The following PDE10A variants were observed in gnomAD, a reference collection of about 807,000 sequenced individuals.
The protein encoded by PDE10A is phosphodiesterase 10A.
Under a neutral mutation model 97.7 loss-of-function variants are expected in PDE10A, and 39 were observed. The observed-to-expected ratio is 0.40, with a 90% CI of 0.31 to 0.52. The LOEUF (loss-of-function observed/expected upper bound fraction) is 0.52, where lower values mean the gene tolerates loss of function less well. PDE10A is among the 20% of genes least tolerant of loss of function. The pLI is 0.56. For synonymous variants in PDE10A, 371 were observed against 376.8 expected, an observed-to-expected ratio of 0.98 and a Z score of 0.18; for missense variants, 731 against 1,047.8, an observed-to-expected ratio of 0.70 and a Z score of 4.17.
intron 18 of PDE10A, among the ~76,000 whole-genome samples, chr6:165,371,410 C>A (rs1351573167): frequency 4.6e-5 from 7 of 152,092 alleles, no homozygotes; most frequent in African/African-American, 1.7e-4. Flanking sequence ...CCACCAATCC[C>A]ACAGAAATAC....
chr6:165,491,506 T>C lies in PDE10A; in HGVS notation c.995-9163A>G, dbSNP rs188879981. Among the ~76,000 whole-genome samples, 6 of 151,998 alleles carry C rather than the reference T, an allele frequency of 3.9e-5. No homozygotes were observed. The East Asian group carries it at 7.8e-4, about 20-fold the overall frequency. Reference sequence around the variant, plus strand: ...ACCATCAGATAGGCCACCAAACAAATCTCAACAAATTTAAGAAAATCAAAA... The same window carrying C: ...ACCATCAGATAGGCCACCAAACAAACCTCAACAAATTTAAGAAAATCAAAA... On this transcript the variant is annotated intron_variant, in intron 2 of 21. Coordinates refer to ENST00000539869, the MANE Select transcript of PDE10A (RefSeq NM_001385079.1).
chr6:165,735,183 G>GT (rs976591206), intron 1 of PDE10A, among the ~76,000 whole-genome samples: 3 of 151,830 alleles, frequency 2.0e-5, no homozygotes, highest in African/African-American at 7.3e-5. Context: ...TGATAGATCA[G>GT]TTGCTAGGTA....
intron 1 of PDE10A, among the ~76,000 whole-genome samples, chr6:165,749,410 T>TGAC (rs1471908295): frequency 7.6e-5 from 1 of 13,230 alleles, no homozygotes; most frequent in African/African-American, 3.5e-4. Context: ...ATCAACACCA[T>TGAC]CACCATCATC....
At chr6:165,630,777 T>C (rs878952701) in intron 1 of PDE10A, among the ~76,000 whole-genome samples, 4 of 152,084 alleles carry the variant, frequency 2.6e-5, no homozygotes, top group Admixed American at 1.3e-4. Flanking sequence ...AAAAAAAACA[T>C]GATGATGGCA....
chr6:165,549,275 T>C (rs530042043), intron 1 of PDE10A, among the ~76,000 whole-genome samples: 1 of 152,346 alleles, frequency 6.6e-6, no homozygotes, highest in East Asian at 1.9e-4. Context: ...GGTTTCTTTA[T>C]CCTTTAAGAT....
intron 3 of PDE10A, among the ~76,000 whole-genome samples, chr6:165,468,182 G>A (rs902957611): frequency 1.3e-5 from 2 of 152,090 alleles, no homozygotes. Flanking sequence ...AGGTTCAAGC[G>A]ATTCTCCTGC....
Position 165,482,346 on chromosome 6 carries a change from G to A in PDE10A, c.995-3C>T, listed in dbSNP as rs750595179. ...GACTTCCTTAGGAGCTGATTCATCT[G>A]GGGATAGAGAAGGAAGAGGGAAAAA... On this transcript the variant is annotated splice_region_variant and splice_polypyrimidine_tract_variant and intron_variant, in intron 2 of 21. Coordinates refer to ENST00000539869, the MANE Select transcript of PDE10A (RefSeq NM_001385079.1). The A allele has an allele frequency of 2.5e-6, 4 of 1,599,568 alleles. No homozygotes were observed. The highest frequency in any genetic ancestry group is 3.4e-6 in the Non-Finnish European group (4 of 1,167,152).
At chr6:165,952,764 A>G (rs1050018156) in intron 1 of PDE10A, among the ~76,000 whole-genome samples, 8 of 152,164 alleles carry the variant, frequency 5.3e-5, no homozygotes, top group African/African-American at 1.9e-4. Context: ...CAGGGCTCAC[A>G]TGGGCCTAGT....
intron 1 of PDE10A, among the ~76,000 whole-genome samples, chr6:165,914,915 G>A (rs1435540947): frequency 6.6e-6 from 1 of 152,180 alleles, no homozygotes; most frequent in Non-Finnish European, 1.5e-5. Flanking sequence ...TGTTTGAATG[G>A]CAGATACAGT....
chr6:165,341,237 A>G (rs989238172), intron 19 of PDE10A, among the ~76,000 whole-genome samples: 3 of 152,166 alleles, frequency 2.0e-5, no homozygotes, highest in African/African-American at 7.2e-5. Flanking sequence ...TGCACCTAAG[A>G]GCATGCAGAG....
intron 2 of PDE10A, among the ~76,000 whole-genome samples, chr6:165,503,349 C>T (rs927896526): frequency 6.6e-6 from 1 of 152,158 alleles, no homozygotes; most frequent in Non-Finnish European, 1.5e-5. Flanking sequence ...TCAACATCCA[C>T]GTGGAAGAAT....
At chr6:165,624,136 G>C (rs1240468428) in intron 1 of PDE10A, among the ~76,000 whole-genome samples, 1 of 152,184 alleles carries the variant, frequency 6.6e-6, no homozygotes, top group East Asian at 1.9e-4. Context: ...ATCAAGCTTT[G>C]AGTCATATCC....
chr6:165,343,313 CTAAAG>C (rs1176462518), intron 19 of PDE10A, 73 bp downstream of exon 19: 10 of 1,005,204 alleles, frequency 9.9e-6, no homozygotes, highest in South Asian at 1.3e-5. Context: ...ACATGAACAA[CTAAAG>C]TATTCTTAGC....
chr6:165,691,200 T>G (rs796143118), intron 1 of PDE10A, among the ~76,000 whole-genome samples: 1 of 26,106 alleles, frequency 3.8e-5, no homozygotes, highest in African/African-American at 1.3e-4. Context: ...TCTCTCTCTC[T>G]CCCCACACAC....
chr6:165,349,777 T>C (rs1782575236), intron 18 of PDE10A, among the ~76,000 whole-genome samples: 1 of 152,114 alleles, frequency 6.6e-6, no homozygotes, highest in African/African-American at 2.4e-5. Context: ...CTGCTTCAAC[T>C]CCAGTGGTGA....
intron 1 of PDE10A, among the ~76,000 whole-genome samples, chr6:165,871,921 C>G (rs1781214397): frequency 1.3e-5 from 2 of 152,160 alleles, no homozygotes; most frequent in Non-Finnish European, 2.9e-5. Flanking sequence ...AAGGTATTTT[C>G]AAGAAAATGA....
chr6:165,900,964 G>A (rs1036170312), intron 1 of PDE10A, among the ~76,000 whole-genome samples: 2 of 152,298 alleles, frequency 1.3e-5, no homozygotes, highest in African/African-American at 2.4e-5. Context: ...CTTAATGAGC[G>A]AAAGGCCCAG....
rs368685360 is a variant in PDE10A, at chr6:165,702,933, G to A, written c.-614-159365C>T. Among the ~76,000 whole-genome samples, 66 of 152,334 alleles carry A rather than the reference G, an allele frequency of 4.3e-4. 2 individuals carry two copies. The South Asian group carries it at 0.013, about 30-fold the overall frequency. On this transcript the variant is annotated intron_variant, in intron 1 of 19. Coordinates refer to the PDE10A transcript ENST00000366882. ...GGCTGAACACTGCCCCAGAGCAGAT[G>A]GGCGGTGACCCACCACAGTGAGCTC...
At chr6:165,725,712 C>A (rs1792276717) in intron 1 of PDE10A, among the ~76,000 whole-genome samples, 1 of 152,162 alleles carries the variant, frequency 6.6e-6, no homozygotes, top group South Asian at 2.1e-4. Context: ...TCTACTTATT[C>A]CTCCGTAGCA....
Sources: allele counts gnomAD v4.1 joint callset (sites outside exome capture counted in the v4.1 genomes callset), GRCh38; gene constraint gnomAD v4.1.1; transcripts MANE v1.5; gene names NCBI Gene and HGNC (gene_info 2026-07-23, HGNC 2026-07-21).